SPTLC3: variants seen among roughly 807,000 people sequenced by gnomAD.
The protein encoded by SPTLC3 is serine palmitoyltransferase 3.
In SPTLC3, 36 loss-of-function variants were observed where a neutral mutation model predicts 59.3. The ratio of observed to expected loss-of-function variants is 0.61; its 90% CI spans 0.47 to 0.80. SPTLC3 has a LOEUF of 0.80. SPTLC3 is among the 30% of genes least tolerant of loss of function. SPTLC3 has a pLI of 0.00. For synonymous variants in SPTLC3, 257 were observed against 240.8 expected, an observed-to-expected ratio of 1.07 and a Z score of -0.62; for missense variants, 625 against 685.1, an observed-to-expected ratio of 0.91 and a Z score of 0.98.
At chr20:13,143,434 G>C (rs2038433033) in intron 9 of SPTLC3, among the ~76,000 whole-genome samples, 1 of 152,152 alleles carries the variant, frequency 6.6e-6, no homozygotes, top group Non-Finnish European at 1.5e-5. Context: ...AGTATGCAGT[G>C]GGCATTATTA....
At chr20:13,037,022 C>T (rs1332045668) in intron 1 of SPTLC3, among the ~76,000 whole-genome samples, 1 of 152,130 alleles carries the variant, frequency 6.6e-6, no homozygotes, top group East Asian at 1.9e-4. Context: ...TATTTTCCAT[C>T]TCTTCATTCT....
chr20:13,095,072 G>A (rs1209489042), intron 6 of SPTLC3, among the ~76,000 whole-genome samples: 4 of 152,268 alleles, frequency 2.6e-5, no homozygotes, highest in Admixed American at 1.3e-4. Flanking sequence ...TGGAGTAGAC[G>A]TCTTTCAAGG....
intron 3 of SPTLC3, chr20:13,073,616 CT>C: frequency 4.0e-6 from 1 of 247,832 alleles, no homozygotes; most frequent in Non-Finnish European, 8.1e-6. Flanking sequence ...GTTGACTTTG[CT>C]TTTAGCCTCA....
chr20:13,032,528 C>T (rs1273574553), intron 1 of SPTLC3, among the ~76,000 whole-genome samples: 1 of 152,180 alleles, frequency 6.6e-6, no homozygotes, highest in Non-Finnish European at 1.5e-5. Flanking sequence ...CAAGGCCCAG[C>T]CAGAGGCCCA....
intron 1 of SPTLC3, among the ~76,000 whole-genome samples, chr20:13,047,267 G>C (rs1442405677): frequency 6.6e-6 from 1 of 152,108 alleles, no homozygotes; most frequent in Non-Finnish European, 1.5e-5. Flanking sequence ...ATATAATGTA[G>C]AGGGAATGAA....
intron 9 of SPTLC3, among the ~76,000 whole-genome samples, chr20:13,152,246 G>A (rs2038665680): frequency 6.6e-6 from 1 of 152,142 alleles, no homozygotes; most frequent in African/African-American, 2.4e-5. Flanking sequence ...TGGTTGTTGT[G>A]ATGACTAAAT....
intron 9 of SPTLC3, among the ~76,000 whole-genome samples, chr20:13,134,478 G>A (rs988777649): frequency 5.3e-5 from 8 of 152,210 alleles, no homozygotes; most frequent in Non-Finnish European, 8.8e-5. Context: ...TGATGGGAGT[G>A]CCAGACAGAA....
chr20:13,154,216 T>C (rs1014086817), intron 10 of SPTLC3, 78 bp downstream of exon 10: 1 of 1,563,756 alleles, frequency 6.4e-7, no homozygotes, highest in Non-Finnish European at 8.7e-7. Flanking sequence ...AGGCGTTAGA[T>C]TATGCATCTG....
intron 1 of SPTLC3, among the ~76,000 whole-genome samples, chr20:13,020,731 T>C (rs555457992): frequency 1.3e-5 from 2 of 152,250 alleles, no homozygotes; most frequent in East Asian, 3.9e-4. Context: ...GGAGGAATGA[T>C]AGTAGAAAGA....
intron 7 of SPTLC3, among the ~76,000 whole-genome samples, chr20:13,114,451 T>C (rs535450684): frequency 6.6e-6 from 1 of 152,324 alleles, no homozygotes; most frequent in Admixed American, 6.5e-5. Flanking sequence ...TAAACTAGCA[T>C]AGCTGGAGCA....
intron 9 of SPTLC3, among the ~76,000 whole-genome samples, chr20:13,153,753 A>G (rs1296212272): frequency 1.3e-5 from 2 of 152,098 alleles, no homozygotes; most frequent in Non-Finnish European, 2.9e-5. Flanking sequence ...CCTCTAGCGT[A>G]TCCTGGCTTC....
At chr20:13,164,339 C>T (rs929607094) in intron 11 of SPTLC3, 1 of 471,862 alleles carries the variant, frequency 2.1e-6, no homozygotes, top group African/African-American at 2.0e-5. Flanking sequence ...CGCAACATTC[C>T]TCTTTGTTCT....
chr20:13,072,222 A>G, intron 2 of SPTLC3, 34 bp from the exon 3 acceptor site: 1 of 1,580,846 alleles, frequency 6.3e-7, no homozygotes, highest in Non-Finnish European at 8.6e-7. Flanking sequence ...GAAAGCAAAG[A>G]ACCAGAGATA....
rs1156396734 is a variant in SPTLC3 at position 13,049,016 on chromosome 20, G to C, written c.189G>C (p.Met63Ile). The C allele has an allele frequency of 3.7e-6, 6 of 1,611,674 alleles. No homozygotes were observed. The highest frequency in any genetic ancestry group is 5.1e-6 in the Non-Finnish European group (6 of 1,179,296). ...TTGAGGAAGCACCCCTTCATGTTAT[G>C]GTTTTCACTTACATGGGATATGGAA... ...ESFEEAPLHV[M>I]VFTYMGYGIG... Residue 63 changes from methionine (M) to isoleucine (I), a missense_variant, in exon 2 of 12, where the codon ATG becomes ATC. Transcript: ENST00000399002.
chr20:13,129,064 T>G (rs1334901803), intron 9 of SPTLC3, among the ~76,000 whole-genome samples: 1 of 151,900 alleles, frequency 6.6e-6, no homozygotes, highest in Non-Finnish European at 1.5e-5. Flanking sequence ...TTAGTAGAGA[T>G]GGGGTCTCGC....
intron 11 of SPTLC3, among the ~76,000 whole-genome samples, chr20:13,162,254 G>A (rs774338157): frequency 1.5e-4 from 23 of 152,166 alleles, no homozygotes; most frequent in Non-Finnish European, 1.9e-4. Flanking sequence ...GAGCATGGCC[G>A]GGAAGCAAGT....
chr20:13,079,391 G>A (rs8119848), intron 4 of SPTLC3, among the ~76,000 whole-genome samples: 41,797 of 151,898 alleles, frequency 0.28, 5,909 homozygotes, highest in Middle Eastern at 0.35. Context: ...TATAAGAGAA[G>A]AAGTTATATT....
chr20:13,056,023 G>A lies in SPTLC3; in HGVS notation c.303+6893G>A, dbSNP rs1010100906. Among the ~76,000 whole-genome samples the A allele has an allele frequency of 2.0e-5, 3 of 152,082 alleles. No homozygotes were observed. In the East Asian group the frequency reaches 5.8e-4, roughly 29 times the overall value. On this transcript the variant is annotated intron_variant, in intron 2 of 11. Coordinates refer to ENST00000399002, the MANE Select transcript of SPTLC3 (RefSeq NM_018327.4). ...TGGAGGAAGATCCCTTCAGACCCAG[G>A]CAATCCTCATGGAGCTGTAAGCCTC...
chr20:13,112,864 G>A (rs1990314491), intron 7 of SPTLC3, among the ~76,000 whole-genome samples: 1 of 152,144 alleles, frequency 6.6e-6, no homozygotes, highest in Admixed American at 6.6e-5. Flanking sequence ...TTATACAGGT[G>A]TTCTAATTTG....
Sources: gnomAD v4.1 joint callset for allele counts (sites outside exome capture counted in the v4.1 genomes callset) on GRCh38, gnomAD v4.1.1 for gene constraint, MANE v1.5 for transcripts, NCBI Gene and HGNC (gene_info 2026-07-23, HGNC 2026-07-21) for gene names.